CACNA1E: variants seen among roughly 807,000 people sequenced by gnomAD.
CACNA1E encodes voltage-dependent R-type calcium channel subunit alpha-1E.
In CACNA1E, 40 loss-of-function variants were observed where a neutral mutation model predicts 259.2. The ratio of observed to expected loss-of-function variants is 0.15; its 90% confidence interval spans 0.12 to 0.20. CACNA1E has a LOEUF of 0.20. CACNA1E is among the 10% of genes least tolerant of loss of function. The probability of loss-of-function intolerance (pLI) is 1.00; values close to 1 mark genes in which losing one functional copy is unlikely to be tolerated. For synonymous variants in CACNA1E, 1,104 were observed against 1,138.5 expected, an observed-to-expected ratio of 0.97 and a Z score of 0.61; for missense variants, 1,874 against 3,040.1, an observed-to-expected ratio of 0.62 and a Z score of 9.02.
chr1:181,733,361 T>C (rs1203867024), intron 20 of CACNA1E, 76 bp from the exon 21 acceptor site: 35 of 1,308,490 alleles, frequency 2.7e-5, no homozygotes, highest in Non-Finnish European at 3.3e-5. Context: ...CTTCCCCGCC[T>C]TCCCCTTGTG....
At chr1:181,412,228 G>A (rs1356771908) in intron 1 of CACNA1E, among the ~76,000 whole-genome samples, 1 of 152,192 alleles carries the variant, frequency 6.6e-6, no homozygotes, top group Non-Finnish European at 1.5e-5. Context: ...GCAGGCACAG[G>A]CATTAAAAAA....
At chr1:181,494,414 T>C (rs978329015) in intron 1 of CACNA1E, among the ~76,000 whole-genome samples, 1 of 151,746 alleles carries the variant, frequency 6.6e-6, no homozygotes, top group Admixed American at 6.6e-5. Flanking sequence ...GATGACAGAG[T>C]TAGTTTTCTC....
chr1:181,715,343 G>T lies in CACNA1E; in HGVS notation c.1177G>T (p.Val393Phe). The change falls in exon 9 of 48, where the codon GTC becomes TTC. Residue 393 changes from valine (V) to phenylalanine (F), a missense_variant. Physicochemically the swap from Val to Phe is conservative, Grantham distance 50 (BLOSUM62 -1). Coordinates refer to ENST00000367573, the MANE Select transcript of CACNA1E (RefSeq NM_001205293.3). ...YRAWIDKAEE[V>F]MLAEENKNAG... is the part of the protein sequence containing the mutation. ...AACCATTTGTTTCCATATAGAGGAA[G>T]TCATGCTCGCTGAAGAAAATAAAAA... 1.3e-6 allele frequency: 2 copies of T among 1,591,032 alleles called. No individual in the cohort carries two copies. The highest frequency in any genetic ancestry group is 1.7e-6 in the Non-Finnish European group (2 of 1,161,730).
chr1:181,643,515 G>A (rs925786647), intron 6 of CACNA1E, among the ~76,000 whole-genome samples: 1 of 152,136 alleles, frequency 6.6e-6, no homozygotes, highest in African/African-American at 2.4e-5. Context: ...ACTGACACAC[G>A]GGTACCTGCC....
At chr1:181,423,678 T>TTTTTTTTTTTG (rs1658935631) in intron 2 of CACNA1E, among the ~76,000 whole-genome samples, 1 of 136,016 alleles carries the variant, frequency 7.4e-6, no homozygotes, top group African/African-American at 2.8e-5. Flanking sequence ...TTTTTTTTTT[T>TTTTTTTTTTTG]GCTGGCCTTT....
intron 1 of CACNA1E, among the ~76,000 whole-genome samples, chr1:181,395,921 A>G (rs549171773): frequency 1.3e-5 from 2 of 152,374 alleles, no homozygotes; most frequent in South Asian, 2.1e-4. Context: ...TTAGCAGCTT[A>G]AAACAACAAA....
At chr1:181,559,071 A>G (rs1215519254) in intron 3 of CACNA1E, among the ~76,000 whole-genome samples, 1 of 152,244 alleles carries the variant, frequency 6.6e-6, no homozygotes, top group Non-Finnish European at 1.5e-5. Flanking sequence ...AGCCTGGAGC[A>G]TTCAAGAAAC....
At chr1:181,745,673 C>A (rs1447223001) in intron 25 of CACNA1E, among the ~76,000 whole-genome samples, 1 of 152,166 alleles carries the variant, frequency 6.6e-6, no homozygotes. Context: ...TCCACATGCA[C>A]AGGGGCACAG....
At chr1:181,601,474 C>T (rs1653742142) in intron 6 of CACNA1E, among the ~76,000 whole-genome samples, 1 of 152,114 alleles carries the variant, frequency 6.6e-6, no homozygotes, top group Non-Finnish European at 1.5e-5. Flanking sequence ...ATGGCTATTA[C>T]ATCATCTACC....
chr1:181,394,583 C>T (rs73046106), intron 1 of CACNA1E, among the ~76,000 whole-genome samples: 8,395 of 151,594 alleles, frequency 0.055, 686 homozygotes, highest in African/African-American at 0.18. Flanking sequence ...GCTTCTAATG[C>T]GTTGAAAGAT....
rs1411763592 is a variant in CACNA1E at position 181,389,790 on chromosome 1, T to G, written c.-14-23343T>G. ...TGCAAATCTTTGTTACTGGGGCTGC[T>G]GAGGAGATCAGTGCTGATTTAGAGC... On this transcript the variant is annotated intron_variant, in intron 1 of 11. Transcript: ENST00000524607. Among the ~76,000 whole-genome samples the G allele has an allele frequency of 3.9e-5, 6 of 152,202 alleles. 1 individual carries two copies. Among genetic ancestry groups the G allele is most frequent in the Admixed American group, 2.6e-4 (4 of 15,282 alleles).
At chr1:181,683,509 G>A (rs913269158) in intron 7 of CACNA1E, among the ~76,000 whole-genome samples, 10 of 152,100 alleles carry the variant, frequency 6.6e-5, no homozygotes, top group Non-Finnish European at 1.0e-4. Context: ...ATGTCACTGA[G>A]GTTTGGTGTA....
chr1:181,378,386 T>C (rs1301054753), intron 1 of CACNA1E, among the ~76,000 whole-genome samples: 1 of 152,218 alleles, frequency 6.6e-6, no homozygotes, highest in African/African-American at 2.4e-5. Context: ...TTGCCTTACT[T>C]TACTGTCTTG....
intron 6 of CACNA1E, among the ~76,000 whole-genome samples, chr1:181,634,803 TCTC>T (rs1657057840): frequency 6.6e-6 from 1 of 152,144 alleles, no homozygotes; most frequent in South Asian, 2.1e-4. Flanking sequence ...CTGCTTCTGT[TCTC>T]CTACTCCAGG....
intron 1 of CACNA1E, among the ~76,000 whole-genome samples, chr1:181,368,706 C>G (rs1654467737): frequency 6.6e-6 from 1 of 152,130 alleles, no homozygotes; most frequent in South Asian, 2.1e-4. Flanking sequence ...GGCCATGGAA[C>G]TGATTTTGAA....
chr1:181,468,647 G>T (rs941254099), intron 2 of CACNA1E, among the ~76,000 whole-genome samples: 6 of 152,170 alleles, frequency 3.9e-5, no homozygotes, highest in African/African-American at 1.4e-4. Flanking sequence ...CTGAGGCAGG[G>T]TGACATAAAG....
At chr1:181,492,530 A>G (rs772629163) in intron 1 of CACNA1E, among the ~76,000 whole-genome samples, 5 of 152,188 alleles carry the variant, frequency 3.3e-5, no homozygotes, top group African/African-American at 9.7e-5. Context: ...TGCAATTGTC[A>G]TGTATCAGGT....
At chr1:181,464,009 A>AT (rs753603540) in intron 2 of CACNA1E, among the ~76,000 whole-genome samples, 2 of 151,888 alleles carry the variant, frequency 1.3e-5, no homozygotes, top group South Asian at 2.1e-4. Context: ...AATTTTATCT[A>AT]TTTTTTCTCT....
At chr1:181,507,254 C>A (rs890307997) in intron 1 of CACNA1E, among the ~76,000 whole-genome samples, 2 of 152,138 alleles carry the variant, frequency 1.3e-5, no homozygotes, top group African/African-American at 4.8e-5. Flanking sequence ...CTCAGCCACC[C>A]AGATACCTGG....
Sources: gnomAD v4.1 joint callset for allele counts (sites outside exome capture counted in the v4.1 genomes callset) on GRCh38, gnomAD v4.1.1 for gene constraint, MANE v1.5 for transcripts, NCBI Gene and HGNC (gene_info 2026-07-23, HGNC 2026-07-21) for gene names.